The following BIRC7 variants were observed in gnomAD, a reference collection of about 807,000 sequenced individuals.
BIRC7 encodes baculoviral IAP repeat-containing protein 7.
A neutral mutation model predicts 33.2 loss-of-function variants in BIRC7; 26 were observed. The observed-to-expected ratio is 0.78, with a 90% CI of 0.57 to 1.09. The LOEUF (loss-of-function observed/expected upper bound fraction) is 1.09, where lower values mean the gene tolerates loss of function less well. BIRC7 is among the 50% of genes least tolerant of loss of function. BIRC7 has a pLI of 0.00. For missense variants in BIRC7, 409 were observed against 401.2 expected (o/e 1.02, Z -0.17); for synonymous variants, 176 against 171.0 (o/e 1.03, Z -0.23).
In BIRC7 at chr20:63,239,147, CCTAA is replaced by C. The variant is rs1274420105; in HGVS notation, c.578-12_578-9del. 6.2e-7 allele frequency: 1 copy of C among 1,611,572 alleles called. No individual in the cohort carries two copies. The highest frequency in any genetic ancestry group is 1.7e-5 in the Admixed American group (1 of 60,002). Reference sequence around the variant, plus strand: ...CTTGGGAGTTAGGCCTCAAGTCTATCCTAACTGTCCACAGTCCCTGCCTCTGGGT... The same window carrying C: ...CTTGGGAGTTAGGCCTCAAGTCTATCCTGTCCACAGTCCCTGCCTCTGGGT... On this transcript the variant is annotated splice_polypyrimidine_tract_variant and intron_variant, in intron 4 of 6. Coordinates refer to ENST00000217169, the MANE Select transcript of BIRC7 (RefSeq NM_139317.3).
At position 63,239,243 on chromosome 20, in the gene BIRC7, C is replaced by A. The variant is rs764010820; in HGVS notation, c.649+10C>A. ...AGTGCCCAGGAGCCAGGTGCAGGCCCGGGACCCCCTGGGTGAGGGCTGGGG... is the reference window on the plus strand; with the variant it reads ...AGTGCCCAGGAGCCAGGTGCAGGCCAGGGACCCCCTGGGTGAGGGCTGGGG... On this transcript the variant is annotated intron_variant, in intron 5 of 6. Coordinates refer to ENST00000217169, the MANE Select transcript of BIRC7 (RefSeq NM_139317.3). The A allele has an allele frequency of 6.4e-7, 1 of 1,553,390 alleles. No homozygotes were observed. The highest frequency in any genetic ancestry group is 1.9e-5 in the Admixed American group (1 of 53,662).
chr20:63,238,602 G>A lies in BIRC7; in HGVS notation c.565G>A (p.Val189Met). Reference sequence around the variant, plus strand: ...GGAAGAACCGGAAGACGCAGCCCCTGTGGCCCCCTCCGGTGAGAGCTGACA... The same window carrying A: ...GGAAGAACCGGAAGACGCAGCCCCTATGGCCCCCTCCGGTGAGAGCTGACA... Reference protein sequence around the residue: ...PWEEPEDAAPVAPSVPASGYP... With the variant: ...PWEEPEDAAPMAPSVPASGYP... Residue 189 changes from valine (V) to methionine (M), a missense_variant, in exon 4 of 7, where the codon GTG (valine) becomes ATG (methionine). Physicochemically the swap from Val to Met is conservative, Grantham distance 21. Transcript: ENST00000217169. 6.2e-7 allele frequency: 1 copy of A among 1,612,940 alleles called. No individual in the cohort carries two copies. The highest frequency in any genetic ancestry group is 8.5e-7 in the Non-Finnish European group (1 of 1,179,970).
rs748887501 is a variant in BIRC7, at chr20:63,236,173, C to T, written c.77C>T (p.Thr26Met). 1.3e-5 allele frequency: 20 copies of T among 1,590,522 alleles called. No homozygotes were observed. Among genetic ancestry groups the T allele is most frequent in the East Asian group, 2.3e-5 (1 of 43,736 alleles). The change falls in exon 1 of 7, where the codon ACG becomes ATG. Residue 26 changes from threonine to methionine, a missense_variant. Coordinates refer to ENST00000217169, the MANE Select transcript of BIRC7 (RefSeq NM_139317.3). ...PSHWAAGDGP[T>M]QERCGPRSLG... ...CACTGGGCAGCCGGTGATGGTCCCA[C>T]GCAGGAGCGCTGTGGACCCCGCTCT... is the stretch of plus-strand genomic sequence containing the variant.
chr20:63,238,951 A>G lies in BIRC7; in HGVS notation c.578-211A>G, dbSNP rs575036920. 220 of 644,466 alleles carry G rather than the reference A, an allele frequency of 3.4e-4. 2 individuals carry two copies. In the South Asian group the frequency reaches 3.6e-3, roughly 11 times the overall value. 39.9% of individuals were successfully genotyped at this position (644,466 alleles called of 1,614,324 possible). A position where few individuals can be genotyped will look rare whatever the true frequency, so the allele number is the denominator to read the frequency against. On this transcript the variant is annotated intron_variant, in intron 4 of 6. Coordinates refer to ENST00000217169, the MANE Select transcript of BIRC7 (RefSeq NM_139317.3). ...GGGCAGGATGTGCAGAGGGCATTGGACAAGGGACAGGCTCTCTGGTGGCGC... is the reference window on the plus strand; with the variant it reads ...GGGCAGGATGTGCAGAGGGCATTGGGCAAGGGACAGGCTCTCTGGTGGCGC...
intron 4 of BIRC7, 145 bp downstream of exon 4, chr20:63,238,759 C>T (rs1468904166): frequency 1.7e-6 from 2 of 1,197,978 alleles, no homozygotes; most frequent in South Asian, 2.8e-5. Flanking sequence ...GGGTTGGCTT[C>T]AGGGGGCTGT....
Position 63,239,490 on chromosome 20 carries a change from CCAT to C in BIRC7, c.784_786del (p.Ile262del), listed in dbSNP as rs1237022589. ...AAGGTGTGCCTGGACCGCGCCGTGT[CCAT>C]CGTCTTTGTGCCGTGCGGCCACCTG... On this transcript the variant is annotated inframe_deletion, in exon 6 of 7. Transcript: ENST00000217169. 1 of 1,606,828 alleles carries C rather than the reference CCAT, an allele frequency of 6.2e-7. No homozygotes were observed. Among genetic ancestry groups the C allele is most frequent in the Non-Finnish European group, 8.5e-7 (1 of 1,179,870 alleles).
At chr20:63,238,226 TACCC>T in intron 2 of BIRC7, 166 bp from the exon 3 acceptor site, 1 of 907,226 alleles carries the variant, frequency 1.1e-6, no homozygotes, top group Non-Finnish European at 1.8e-6. Context: ...CCCATGGGAC[TACCC>T]TGAAGCCCCA....
Position 63,239,582 on chromosome 20 carries a change from C to CGCGTG in BIRC7, c.875_879dup (p.Arg294AlafsTer71). On this transcript the variant is annotated frameshift_variant, in exon 6 of 7. Transcript: ENST00000217169. LOFTEE classifies it low-confidence loss of function (END_TRUNC). ...CATCTGCAGAGCCCCCGTCCGCAGC[C>CGCGTG]GCGTGCGCACCTTCCTGTCCTAGGC... 6.3e-7 allele frequency: 1 copy of CGCGTG among 1,598,590 alleles called. No homozygotes were observed. The highest frequency in any genetic ancestry group is 8.5e-7 in the Non-Finnish European group (1 of 1,178,814).
rs2066685338 is a variant in BIRC7, at chr20:63,236,001, G to A, written c.-96G>A. The A allele has an allele frequency of 5.6e-6, 8 of 1,426,714 alleles. No homozygotes were observed. Among genetic ancestry groups the A allele is most frequent in the South Asian group, 1.5e-5 (1 of 68,530 alleles). 88.4% of individuals were successfully genotyped at this position (1,426,714 alleles called of 1,614,324 possible). Reference sequence around the variant, plus strand: ...TGCTGTCCCCAGGGTGGGCCCCGGGGGTCAGGAGCTCCAGAAGGGCCAGCT... The same window carrying A: ...TGCTGTCCCCAGGGTGGGCCCCGGGAGTCAGGAGCTCCAGAAGGGCCAGCT... On this transcript the variant is annotated 5_prime_UTR_variant, in exon 1 of 7. Transcript: ENST00000217169.
Position 63,239,404 on chromosome 20 carries a change from GC to G in BIRC7, c.701del (p.Pro234GlnfsTer129). 1.2e-6 allele frequency: 2 copies of G among 1,605,236 alleles called. No individual in the cohort carries two copies. On this transcript the variant is annotated frameshift_variant, in exon 6 of 7. Transcript: ENST00000217169. LOFTEE classifies it high-confidence loss of function. ...CCCAGAGGGCGTGGTGGGTTCTTGA[GC>G]CCCCAGGAGCCAGGGATGTGGAGGC... ...EAQRAWWVLE[P>X]PGARDVEAQL...
intron 2 of BIRC7, 113 bp from the exon 3 acceptor site, chr20:63,238,283 G>T: frequency 3.9e-6 from 5 of 1,294,220 alleles, no homozygotes; most frequent in Non-Finnish European, 5.5e-6. Context: ...ATGCCCACGG[G>T]CACTGCAGGG....
rs1381140448 is a variant in BIRC7, at chr20:63,238,379, C to T, written c.450-17C>T. 33 of 1,611,330 alleles carry T rather than the reference C, an allele frequency of 2.0e-5. No individual in the cohort carries two copies. The highest frequency in any genetic ancestry group is 2.8e-5 in the Non-Finnish European group (33 of 1,179,830). The stretch of plus-strand genomic sequence containing the variant: ...GGGGGCCCTGAACCCCAACCTACAT[C>T]TCTGGGGCATCTGCAGCTGTCAGTT... On this transcript the variant is annotated splice_polypyrimidine_tract_variant and intron_variant, in intron 2 of 6. Transcript: ENST00000217169.
At chr20:63,236,978 G>A (rs532257884) in intron 1 of BIRC7, among the ~76,000 whole-genome samples, 128 of 152,318 alleles carry the variant, frequency 8.4e-4, no homozygotes, top group African/African-American at 3.1e-3. Flanking sequence ...TCCTAGTCTT[G>A]GCCCGGGCCT....
intron 2 of BIRC7, 191 bp from the exon 3 acceptor site, chr20:63,238,205 G>A: frequency 1.2e-6 from 1 of 865,444 alleles, no homozygotes; most frequent in South Asian, 1.5e-5. Context: ...GCTGGGGGCA[G>A]AAATGCCTCT....
chr20:63,239,756 C>T (rs569921784), intron 6 of BIRC7, 146 bp downstream of exon 6: 19 of 1,212,346 alleles, frequency 1.6e-5, no homozygotes, highest in Non-Finnish European at 1.9e-5. Flanking sequence ...CCGCTGATAG[C>T]GCCCATCAAT....
rs1555809689 is a variant in BIRC7, at chr20:63,236,325, A to C, written c.229A>C (p.Arg77=). 6 of 1,607,090 alleles carry C rather than the reference A, an allele frequency of 3.7e-6. No individual in the cohort carries two copies. The South Asian group carries it at 6.6e-5, about 18-fold the overall frequency. ...GGAGGGCGCCGGGGCCACCTTGTCC[A>C]GGGGGCCTGCCTTCCCCGGCATGGG... The part of the protein sequence containing the change: ...EEEGAGATLS[R]GPAFPGMGSE... Residue 77 remains arginine, a synonymous_variant, in exon 1 of 7, where the codon AGG becomes CGG. Transcript: ENST00000217169.
chr20:63,236,169 C>T lies in BIRC7; in HGVS notation c.73C>T (p.Pro25Ser). 6.3e-7 allele frequency: 1 copy of T among 1,591,682 alleles called. No homozygotes were observed. Among genetic ancestry groups the T allele is most frequent in the Non-Finnish European group, 8.6e-7 (1 of 1,168,614 alleles). ...GAGCCACTGGGCAGCCGGTGATGGT[C>T]CCACGCAGGAGCGCTGTGGACCCCG... Reference protein sequence around the residue: ...QPSHWAAGDGPTQERCGPRSL... With the variant: ...QPSHWAAGDGSTQERCGPRSL... The change falls in exon 1 of 7, where the codon CCC (proline) becomes TCC (serine). Residue 25 changes from proline to serine, a missense_variant. Pro to Ser is a moderately conservative substitution (Grantham distance 74). Transcript: ENST00000217169.
In BIRC7 at chr20:63,236,010, C is replaced by A; in HGVS notation, c.-87C>A. ...CAGGGTGGGCCCCGGGGGTCAGGAGCTCCAGAAGGGCCAGCTGGGCATATT... is the reference window on the plus strand; with the variant it reads ...CAGGGTGGGCCCCGGGGGTCAGGAGATCCAGAAGGGCCAGCTGGGCATATT... On this transcript the variant is annotated 5_prime_UTR_variant, in exon 1 of 7. Transcript: ENST00000217169. 3 of 1,444,014 alleles carry A rather than the reference C, an allele frequency of 2.1e-6. No individual in the cohort carries two copies. Among genetic ancestry groups the A allele is most frequent in the East Asian group, 5.0e-5 (2 of 39,732 alleles). The allele number at this position is 1,444,014 out of a possible 1,614,324, so 89.5% of individuals were successfully genotyped here.
At chr20:63,238,738 CGCT>C (rs1374419941) in intron 4 of BIRC7, 124 bp downstream of exon 4, 1 of 1,363,812 alleles carries the variant, frequency 7.3e-7, no homozygotes. Context: ...CAGGGTGTGA[CGCT>C]GCTGCCTGGG....
Sources: gnomAD v4.1 joint callset for allele counts (sites outside exome capture counted in the v4.1 genomes callset) on GRCh38, gnomAD v4.1.1 for gene constraint, MANE v1.5 for transcripts, NCBI Gene and HGNC (gene_info 2026-07-23, HGNC 2026-07-21) for gene names.